The following RTKN2 variants were observed in gnomAD, a reference collection of about 807,000 sequenced individuals.
RTKN2 encodes rhotekin 2.
In RTKN2, 69 loss-of-function variants were observed where a neutral mutation model predicts 71.5. The observed-to-expected ratio is 0.96, with a 90% CI of 0.79 to 1.18. The LOEUF is 1.18. RTKN2 is among the 50% of genes most tolerant of loss of function. The pLI, the probability that RTKN2 is intolerant of heterozygous loss-of-function variation, is 0.00. For missense variants in RTKN2, 724 were observed against 719.7 expected (o/e 1.01, Z -0.07); for synonymous variants, 236 against 236.5 (o/e 1.00, Z 0.02).
intron 10 of RTKN2, among the ~76,000 whole-genome samples, chr10:62,203,335 C>T (rs938720846): frequency 7.5e-6 from 1 of 132,548 alleles, no homozygotes; most frequent in Admixed American, 8.4e-5. Flanking sequence ...CACCTGAGAT[C>T]TGCTGAATTT....
chr10:62,185,798 G>A (rs1203111750), intron 8 of RTKN2, among the ~76,000 whole-genome samples: 2 of 152,136 alleles, frequency 1.3e-5, no homozygotes, highest in African/African-American at 4.8e-5. Flanking sequence ...CCCAATTTGG[G>A]GAGTCTCCAA....
At chr10:62,238,623 T>C (rs1205730383) in intron 5 of RTKN2, 1 of 151,994 alleles carries the variant, frequency 6.6e-6, no homozygotes, top group Non-Finnish European at 1.5e-5. Context: ...GGGATATGTT[T>C]TGGATCCTAA....
chr10:62,200,227 G>C (rs541522767), intron 10 of RTKN2, among the ~76,000 whole-genome samples: 7 of 151,976 alleles, frequency 4.6e-5, no homozygotes, highest in African/African-American at 1.4e-4. Flanking sequence ...GCTGGGTATG[G>C]TGGCAGGTGG....
Position 62,243,175 on chromosome 10 carries a change from T to C in RTKN2, c.317-1980A>G, listed in dbSNP as rs891270732. Among the ~76,000 whole-genome samples, 18 of 127,840 alleles carry C rather than the reference T, an allele frequency of 1.4e-4. No homozygotes were observed. In the Admixed American group the frequency reaches 1.7e-3, roughly 12 times the overall value. 83.9% of individuals were successfully genotyped at this position (127,840 alleles called of 152,430 possible). On this transcript the variant is annotated intron_variant, in intron 3 of 11. Coordinates refer to ENST00000373789, the MANE Select transcript of RTKN2 (RefSeq NM_145307.4). Reference sequence around the variant, plus strand: ...CAGTCCCCAGTGTGTGATGTTCCCCTTCCTGTGTCCATGTGTTCTCATTGC... The same window carrying C: ...CAGTCCCCAGTGTGTGATGTTCCCCCTCCTGTGTCCATGTGTTCTCATTGC...
chr10:62,245,941 C>T (rs1842470915), intron 3 of RTKN2, 58 bp downstream of exon 3: 1 of 1,066,266 alleles, frequency 9.4e-7, no homozygotes, highest in East Asian at 2.5e-5. Flanking sequence ...ACAAAATCCA[C>T]CATGTAGTTA....
rs370081638 is a variant in RTKN2, at chr10:62,205,010, G to A, written c.1033C>T (p.Arg345Trp). Residue 345 changes from arginine (R) to tryptophan (W), a missense_variant, in exon 10 of 12, where the codon CGG becomes TGG. Arg to Trp is a moderately radical substitution (Grantham distance 101). Transcript: ENST00000373789. ...VVPINKETRI[R>W]AMDKDAKKRI... Reference sequence around the variant, plus strand: ...TTCTTGGCATCCTTATCCATTGCCCGGATTCTGGTTTCCTAAAAATTAAGA... The same window carrying A: ...TTCTTGGCATCCTTATCCATTGCCCAGATTCTGGTTTCCTAAAAATTAAGA... The A allele has an allele frequency of 1.8e-5, 29 of 1,578,800 alleles. No individual in the cohort carries two copies. In the African/African-American group the frequency reaches 2.6e-4, roughly 14 times the overall value.
chr10:62,220,911 A>C (rs1841891081), intron 7 of RTKN2, among the ~76,000 whole-genome samples: 1 of 152,134 alleles, frequency 6.6e-6, no homozygotes, highest in African/African-American at 2.4e-5. Context: ...AGAAAAAATT[A>C]AAACTGCAGA....
At chr10:62,204,513 T>C (rs771809014) in intron 10 of RTKN2, among the ~76,000 whole-genome samples, 2 of 152,196 alleles carry the variant, frequency 1.3e-5, no homozygotes, top group Non-Finnish European at 2.9e-5. Context: ...TGGAAAAGTT[T>C]TTTGTTCCTC....
At chr10:62,263,719 T>C (rs935779076) in intron 1 of RTKN2, among the ~76,000 whole-genome samples, 3 of 152,096 alleles carry the variant, frequency 2.0e-5, no homozygotes, top group Non-Finnish European at 4.4e-5. Flanking sequence ...AGCAAGAGAG[T>C]GAAAGCGCTG....
At chr10:62,184,289 T>A (rs922960796) in exon 9 of RTKN2, 4 of 1,392,396 alleles carry the variant, frequency 2.9e-6, no homozygotes, top group African/African-American at 1.5e-5. Context: ...ATTTTAAATT[T>A]TTCACACTGG....
rs1841321935 is a variant in RTKN2, at chr10:62,195,921, T to G, written c.*1987A>C. The G allele has an allele frequency of 3.0e-6, 3 of 985,176 alleles. No individual in the cohort carries two copies. Among genetic ancestry groups the G allele is most frequent in the Admixed American group, 1.2e-4 (2 of 16,244 alleles). 61.0% of individuals were successfully genotyped at this position (985,176 alleles called of 1,614,324 possible). A position where few individuals can be genotyped will look rare whatever the true frequency, so the allele number is the denominator to read the frequency against. On this transcript the variant is annotated 3_prime_UTR_variant, in exon 12 of 12. Coordinates refer to ENST00000373789, the MANE Select transcript of RTKN2 (RefSeq NM_145307.4). ...GGGCACAACTGCTAGGTAATTTCTG[T>G]ATGAATACTTTCTTTTTCTTATACA...
chr10:62,244,618 A>G (rs1842443725), intron 3 of RTKN2, among the ~76,000 whole-genome samples: 2 of 152,284 alleles, frequency 1.3e-5, no homozygotes, highest in South Asian at 4.1e-4. Flanking sequence ...TTTTTATAAA[A>G]TCTCAAAGAT....
chr10:62,188,336 C>T (rs1489657813), downstream of RTKN2, among the ~76,000 whole-genome samples: 2 of 152,106 alleles, frequency 1.3e-5, no homozygotes, highest in African/African-American at 4.8e-5. Context: ...CTACTGTCTT[C>T]CCCCTAAGTG....
chr10:62,253,382 C>A (rs752327598), intron 2 of RTKN2, among the ~76,000 whole-genome samples: 32 of 152,114 alleles, frequency 2.1e-4, no homozygotes, highest in Non-Finnish European at 4.1e-4. Flanking sequence ...TGAAGACAAG[C>A]TTTAATAATA....
chr10:62,265,656 T>A (rs1187392674), intron 1 of RTKN2, among the ~76,000 whole-genome samples: 2 of 152,034 alleles, frequency 1.3e-5, no homozygotes, highest in African/African-American at 4.8e-5. Context: ...CATCTACATT[T>A]TACATGCAGA....
rs372889042 is a variant in RTKN2 at position 62,268,569 on chromosome 10, C to G, written c.42G>C (p.Ala14=). 134 of 1,564,928 alleles carry G rather than the reference C, an allele frequency of 8.6e-5. No homozygotes were observed. The highest frequency in any genetic ancestry group is 9.0e-5 in the Non-Finnish European group (104 of 1,154,672). ...AACTCACCTGCTGGGTGGGAAGCCC[C>G]GCCAGGCGGAGCGCAGGACCCCTCA... is the stretch of plus-strand genomic sequence containing the variant. The part of the protein sequence containing the change: ...PSLRGPALRL[A]GLPTQQDCNI... Residue 14 remains alanine, a synonymous_variant, in exon 1 of 12, where the codon GCG becomes GCC. Coordinates refer to ENST00000373789, the MANE Select transcript of RTKN2 (RefSeq NM_145307.4).
At chr10:62,250,856 C>T (rs1842567704) in intron 2 of RTKN2, among the ~76,000 whole-genome samples, 1 of 152,152 alleles carries the variant, frequency 6.6e-6, no homozygotes. Context: ...GTCTCGAACT[C>T]CTGGATTCAA....
chr10:62,184,210 A>G (rs950671397), exon 9 of RTKN2: 5 of 669,416 alleles, frequency 7.5e-6, no homozygotes, highest in Non-Finnish European at 1.0e-5. Flanking sequence ...GGTGCTAGGA[A>G]TACAGGAAGG....
At chr10:62,266,637 A>G (rs984370206) in intron 1 of RTKN2, among the ~76,000 whole-genome samples, 6 of 152,236 alleles carry the variant, frequency 3.9e-5, no homozygotes, top group African/African-American at 1.2e-4. Flanking sequence ...TTTTATTAAG[A>G]TGCCAAAAGC....
Sources: gnomAD v4.1 joint callset for allele counts (sites outside exome capture counted in the v4.1 genomes callset) on GRCh38, gnomAD v4.1.1 for gene constraint, MANE v1.5 for transcripts, NCBI Gene and HGNC (gene_info 2026-07-23, HGNC 2026-07-21) for gene names.